The following BCKDHB variants were observed in gnomAD, a reference collection of about 807,000 sequenced individuals.
The protein encoded by BCKDHB is 2-oxoisovalerate dehydrogenase subunit beta, mitochondrial.
A neutral mutation model predicts 48.5 loss-of-function variants in BCKDHB; 41 were observed. The ratio of observed to expected loss-of-function variants is 0.85; its 90% confidence interval spans 0.66 to 1.10. The LOEUF is 1.10. Among genes scored for constraint, BCKDHB ranks in the 50% least tolerant of loss-of-function variants. The pLI is 0.00. For missense variants in BCKDHB, 496 were observed against 494.2 expected, an observed-to-expected ratio of 1.00 and a Z score of -0.03; for synonymous variants, 201 against 174.8, an observed-to-expected ratio of 1.15 and a Z score of -1.18.
chr6:80,260,119 T>C (rs1777231153), intron 8 of BCKDHB, among the ~76,000 whole-genome samples: 1 of 152,136 alleles, frequency 6.6e-6, no homozygotes, highest in Non-Finnish European at 1.5e-5. Context: ...GATATACTGG[T>C]TCTAGACACC....
intron 8 of BCKDHB, among the ~76,000 whole-genome samples, chr6:80,239,578 C>G (rs952717388): frequency 1.1e-4 from 17 of 152,080 alleles, no homozygotes; most frequent in African/African-American, 3.9e-4. Context: ...TGGTAGTCTC[C>G]TTTGCTGTGC....
At chr6:80,333,000 AC>A (rs1769396728) in intron 9 of BCKDHB, among the ~76,000 whole-genome samples, 1 of 152,060 alleles carries the variant, frequency 6.6e-6, no homozygotes, top group Admixed American at 6.6e-5. Context: ...TTCCCCAATG[AC>A]CGACCCCCTA....
chr6:80,267,218 G>C (rs764036252), intron 8 of BCKDHB, among the ~76,000 whole-genome samples: 2 of 152,052 alleles, frequency 1.3e-5, no homozygotes, highest in Non-Finnish European at 2.9e-5. Flanking sequence ...ACAGTGCTGT[G>C]CTATGAGGTA....
At chr6:80,414,504 A>G in the BCKDHB span, among the ~76,000 whole-genome samples, 1 of 152,168 alleles carries the variant, frequency 6.6e-6, no homozygotes, top group South Asian at 2.1e-4. Context: ...TCTTTTGCAT[A>G]TGGGTAGGCT....
chr6:80,307,632 C>T, intron 9 of BCKDHB: 1 of 978,022 alleles, frequency 1.0e-6, no homozygotes, highest in Non-Finnish European at 1.2e-6. Context: ...TAAAGTATAT[C>T]TAGCCATTAT....
chr6:80,364,965 G>A, the BCKDHB span, among the ~76,000 whole-genome samples: 16 of 152,300 alleles, frequency 1.1e-4, no homozygotes, highest in African/African-American at 3.1e-4. Flanking sequence ...CAGTACACCC[G>A]TGATGCCCGC....
the BCKDHB span, among the ~76,000 whole-genome samples, chr6:80,449,637 T>C: frequency 6.6e-6 from 1 of 152,224 alleles, no homozygotes; most frequent in East Asian, 1.9e-4. Context: ...AAACCCTTTA[T>C]AGATGTTGTG....
At chr6:80,296,989 T>C (rs900603538) in intron 9 of BCKDHB, among the ~76,000 whole-genome samples, 6 of 152,232 alleles carry the variant, frequency 3.9e-5, no homozygotes, top group African/African-American at 1.4e-4. Context: ...AATTATGTGT[T>C]ATAGCGTTAA....
chr6:80,394,720 G>A, the BCKDHB span, among the ~76,000 whole-genome samples: 1 of 152,090 alleles, frequency 6.6e-6, no homozygotes, highest in Non-Finnish European at 1.5e-5. Flanking sequence ...CTGCTTTTGG[G>A]CCAGTGTATT....
chr6:80,260,182 G>T (rs373555794), intron 8 of BCKDHB, among the ~76,000 whole-genome samples: 2 of 151,680 alleles, frequency 1.3e-5, no homozygotes, highest in African/African-American at 4.8e-5. Context: ...GCCAAAATAA[G>T]CAATTTAGTA....
chr6:80,314,584 C>T (rs1004480731), intron 9 of BCKDHB, among the ~76,000 whole-genome samples: 4 of 152,216 alleles, frequency 2.6e-5, no homozygotes, highest in Non-Finnish European at 4.4e-5. Flanking sequence ...CTCGGGGTCT[C>T]ATTTAAAGAA....
the BCKDHB span, among the ~76,000 whole-genome samples, chr6:80,385,834 T>C: frequency 6.6e-6 from 1 of 152,168 alleles, no homozygotes; most frequent in Admixed American, 6.5e-5. Context: ...GGAATGGATA[T>C]TAAGGGTATG....
At chr6:80,254,598 G>A (rs781092724) in intron 8 of BCKDHB, among the ~76,000 whole-genome samples, 1 of 152,098 alleles carries the variant, frequency 6.6e-6, no homozygotes, top group Admixed American at 6.6e-5. Context: ...TACTCTGTAG[G>A]TTGAGGCTGG....
the BCKDHB span, among the ~76,000 whole-genome samples, chr6:80,434,803 C>T: frequency 6.6e-6 from 1 of 152,162 alleles, no homozygotes; most frequent in South Asian, 2.1e-4. Flanking sequence ...TGTTCATGCC[C>T]AGCTCTATTT....
chr6:80,137,533 G>A (rs1770949110), intron 3 of BCKDHB, among the ~76,000 whole-genome samples: 1 of 152,102 alleles, frequency 6.6e-6, no homozygotes. Context: ...TTGGCTTGTT[G>A]ACCAGTGGCT....
At chr6:80,400,029 T>C in the BCKDHB span, among the ~76,000 whole-genome samples, 1 of 152,206 alleles carries the variant, frequency 6.6e-6, no homozygotes, top group African/African-American at 2.4e-5. Context: ...GCTAGCCACA[T>C]GCAGAAGATT....
rs759040971 is a variant in BCKDHB, at chr6:80,273,208, G to T, written c.1025G>T (p.Ser342Ile). The T allele has an allele frequency of 1.2e-6, 2 of 1,613,432 alleles. No individual in the cohort carries two copies. The highest frequency in any genetic ancestry group is 1.7e-5 in the Admixed American group (1 of 59,920). Residue 342 changes from serine to isoleucine, a missense_variant, in exon 9 of 10, where the codon AGC becomes ATC. Coordinates refer to ENST00000320393, the MANE Select transcript of BCKDHB (RefSeq NM_183050.4). ...PLTGGFASEI[S>I]STVQEECFLN... ...ACAGGCGGCTTTGCATCGGAAATCA[G>T]CTCTACAGTTCAGGTAGAGTAATTT...
intron 9 of BCKDHB, among the ~76,000 whole-genome samples, chr6:80,322,889 CTTTTTTCTTTTTT>C (rs1768813655): frequency 1.7e-5 from 2 of 116,626 alleles, no homozygotes; most frequent in African/African-American, 6.2e-5. Flanking sequence ...CTTTTTTTTT[CTTTTTTCTTTTTT>C]TTTTTTTTTT....
chr6:80,129,222 C>T lies in BCKDHB; in HGVS notation c.336C>T (p.Asp112=). 1 of 1,609,194 alleles carries T rather than the reference C, an allele frequency of 6.2e-7. No homozygotes were observed. Among genetic ancestry groups the T allele is most frequent in the Non-Finnish European group, 8.5e-7 (1 of 1,176,300 alleles). The part of the protein sequence containing the change: ...GVFRCTVGLR[D]KYGKDRVFNT... ...TTAGATGCACTGTTGGCTTGCGAGA[C>T]AAATATGGTAAGTAAATACCTATAT... Residue 112 remains aspartate (D), a synonymous_variant, in exon 3 of 10, where the codon GAC becomes GAT. Coordinates refer to ENST00000320393, the MANE Select transcript of BCKDHB (RefSeq NM_183050.4).
Sources: allele counts gnomAD v4.1 joint callset (sites outside exome capture counted in the v4.1 genomes callset), GRCh38; gene constraint gnomAD v4.1.1; transcripts MANE v1.5; gene names NCBI Gene and HGNC (gene_info 2026-07-23, HGNC 2026-07-21).